The following FSTL5 variants were observed in gnomAD, a reference collection of about 807,000 sequenced individuals.
The protein encoded by FSTL5 is follistatin-related protein 5.
In FSTL5, 62 loss-of-function variants were observed where a neutral mutation model predicts 89.1. The observed-to-expected ratio is 0.70, with a 90% CI of 0.57 to 0.86. The LOEUF is 0.86. Among genes scored for constraint, FSTL5 ranks in the 40% least tolerant of loss-of-function variants. The probability of loss-of-function intolerance (pLI) is 0.00; values close to 1 mark genes in which losing one functional copy is unlikely to be tolerated. For synonymous variants in FSTL5, 383 were observed against 346.2 expected (o/e 1.11, Z -1.18); for missense variants, 1,057 against 1,001.6 (o/e 1.06, Z -0.75).
At chr4:161,771,710 A>G (rs1741216967) in intron 5 of FSTL5, among the ~76,000 whole-genome samples, 1 of 152,130 alleles carries the variant, frequency 6.6e-6, no homozygotes, top group East Asian at 1.9e-4. Context: ...TGTTTGATTG[A>G]TACTAAGTGT....
intron 10 of FSTL5, among the ~76,000 whole-genome samples, chr4:161,535,544 C>T (rs564826096): frequency 3.2e-4 from 48 of 152,192 alleles, no homozygotes; most frequent in Middle Eastern, 3.4e-3. Context: ...GATATCATCG[C>T]ACACCAGTCA....
intron 2 of FSTL5, among the ~76,000 whole-genome samples, chr4:162,034,033 C>T (rs1051327236): frequency 6.6e-6 from 1 of 151,950 alleles, no homozygotes; most frequent in Non-Finnish European, 1.5e-5. Flanking sequence ...AACTCCTGGG[C>T]TCAAGGAATC....
chr4:161,869,959 C>G (rs570492162), intron 4 of FSTL5, among the ~76,000 whole-genome samples: 105 of 152,298 alleles, frequency 6.9e-4, no homozygotes, highest in African/African-American at 1.9e-3. Flanking sequence ...TCCTATCTCA[C>G]TTTCCCATTT....
intron 2 of FSTL5, among the ~76,000 whole-genome samples, chr4:162,106,574 T>G (rs760890647): frequency 2.6e-4 from 39 of 151,808 alleles, no homozygotes; most frequent in Non-Finnish European, 4.9e-4. Context: ...GGATGGAAAA[T>G]TACAACCAAG....
In FSTL5 at chr4:161,647,982, T is replaced by C. The variant is rs1239688693; in HGVS notation, c.894+8346A>G. On this transcript the variant is annotated intron_variant, in intron 7 of 15. Transcript: ENST00000306100. ...ACCGACTGGCAGAACGACACGGAGT[T>C]TGGCTGGGGCAATTGGAGGAGAGCC... Among the ~76,000 whole-genome samples, 5 of 152,006 alleles carry C rather than the reference T, an allele frequency of 3.3e-5. No homozygotes were observed. The East Asian group carries it at 9.7e-4, about 29-fold the overall frequency.
intron 10 of FSTL5, among the ~76,000 whole-genome samples, chr4:161,520,229 CACA>C (rs1386250999): frequency 6.6e-6 from 1 of 151,538 alleles, no homozygotes; most frequent in African/African-American, 2.4e-5. Context: ...TGTAATAAAC[CACA>C]ACATTTTTTA....
chr4:162,163,454 A>T (rs766210393), intron 1 of FSTL5, among the ~76,000 whole-genome samples, 161 bp downstream of exon 1: 1 of 119,500 alleles, frequency 8.4e-6, no homozygotes, highest in South Asian at 2.5e-4. Context: ...TAATAATAAT[A>T]ATAATAATAA....
intron 3 of FSTL5, among the ~76,000 whole-genome samples, chr4:162,031,356 G>C (rs1421755055): frequency 4.6e-5 from 7 of 152,078 alleles, no homozygotes; most frequent in Non-Finnish European, 1.0e-4. Context: ...TATCAAATGA[G>C]GACATAGCTC....
At chr4:161,783,677 C>CCCTTCCTTCCT (rs1560843614) in intron 4 of FSTL5, among the ~76,000 whole-genome samples, 1 of 8,184 alleles carries the variant, frequency 1.2e-4, no homozygotes, top group African/African-American at 3.2e-4. Context: ...TTCTTTCTTT[C>CCCTTCCTTCCT]TCTTTCTTTC....
At chr4:161,687,526 AG>A (rs1488938057) in intron 6 of FSTL5, among the ~76,000 whole-genome samples, 1 of 152,128 alleles carries the variant, frequency 6.6e-6, no homozygotes, top group African/African-American at 2.4e-5. Context: ...ATGAATGTCT[AG>A]GTCAGTATTT....
chr4:161,938,523 T>C (rs1314242273), intron 3 of FSTL5, among the ~76,000 whole-genome samples: 1 of 152,026 alleles, frequency 6.6e-6, no homozygotes, highest in Non-Finnish European at 1.5e-5. Context: ...ATGAGAAATA[T>C]TACGCAAAAA....
intron 1 of FSTL5, among the ~76,000 whole-genome samples, chr4:162,153,655 GTATATAATATATGTATAT>G (rs1733321900): frequency 1.8e-5 from 2 of 108,458 alleles, no homozygotes; most frequent in Admixed American, 2.0e-4. Context: ...TATTATATAT[GTATATAATATATGTATAT>G]TATATATGTA....
intron 6 of FSTL5, among the ~76,000 whole-genome samples, chr4:161,674,119 A>G (rs1171780618): frequency 6.6e-6 from 1 of 152,116 alleles, no homozygotes; most frequent in Non-Finnish European, 1.5e-5. Flanking sequence ...GTGTTTTTAA[A>G]AACATATTTT....
chr4:162,093,838 CA>C (rs1171006756), intron 2 of FSTL5, among the ~76,000 whole-genome samples: 2 of 151,910 alleles, frequency 1.3e-5, no homozygotes, highest in Admixed American at 6.6e-5. Context: ...ATAAACCATT[CA>C]AAAAAGAACT....
At chr4:161,891,356 CTT>C (rs1293555187) in intron 4 of FSTL5, among the ~76,000 whole-genome samples, 1 of 151,974 alleles carries the variant, frequency 6.6e-6, no homozygotes, top group Non-Finnish European at 1.5e-5. Context: ...CTTTGTTCTC[CTT>C]TAAGACAAAT....
At chr4:161,538,699 G>T (rs1360129922) in intron 9 of FSTL5, among the ~76,000 whole-genome samples, 1 of 152,054 alleles carries the variant, frequency 6.6e-6, no homozygotes, top group Non-Finnish European at 1.5e-5. Context: ...GTATATGAAA[G>T]ATGTTTTCAT....
At chr4:161,945,380 T>A (rs1734707203) in intron 3 of FSTL5, among the ~76,000 whole-genome samples, 1 of 152,172 alleles carries the variant, frequency 6.6e-6, no homozygotes, top group Non-Finnish European at 1.5e-5. Context: ...ATTTGACATG[T>A]TATCATAGAT....
chr4:161,876,220 C>T (rs1732436470), intron 4 of FSTL5, among the ~76,000 whole-genome samples: 1 of 152,158 alleles, frequency 6.6e-6, no homozygotes, highest in African/African-American at 2.4e-5. Context: ...AAAAATGCCC[C>T]AATGACATTT....
chr4:161,544,072 T>C (rs1404658216), intron 8 of FSTL5, among the ~76,000 whole-genome samples: 1 of 151,646 alleles, frequency 6.6e-6, no homozygotes, highest in Non-Finnish European at 1.5e-5. Context: ...GACGAAAAAA[T>C]TGAATAGTCA....
Sources: gnomAD v4.1 joint callset for allele counts (sites outside exome capture counted in the v4.1 genomes callset) on GRCh38, gnomAD v4.1.1 for gene constraint, MANE v1.5 for transcripts, NCBI Gene and HGNC (gene_info 2026-07-23, HGNC 2026-07-21) for gene names.